The following UGT1A9 variants were observed in gnomAD, a reference collection of about 807,000 sequenced individuals.
UGT1A9 encodes UDP glucuronosyltransferase family 1 member A9.
UGT1A9 carries 35 observed loss-of-function variants against 45.0 expected under a neutral mutation model. That is an observed-to-expected ratio of 0.78 (90% CI 0.59 to 1.03). The LOEUF (loss-of-function observed/expected upper bound fraction) is 1.03, where lower values mean the gene tolerates loss of function less well. Ranked by LOEUF, UGT1A9 falls within the 50% of genes least tolerant of loss-of-function variation. UGT1A9 has a pLI of 0.00. For missense variants in UGT1A9, 687 were observed against 666.6 expected (o/e 1.03, Z -0.34); for synonymous variants, 278 against 250.6 (o/e 1.11, Z -1.03).
At chr2:233,759,064 G>A (rs1398718835) in intron 1 of UGT1A9, among the ~76,000 whole-genome samples, 2 of 152,146 alleles carry the variant, frequency 1.3e-5, no homozygotes, top group Non-Finnish European at 2.9e-5. Flanking sequence ...CTCTGAAAAG[G>A]AATTTGGAAG....
chr2:233,769,634 G>A lies in UGT1A9; in HGVS notation c.1295+1195G>A. 2 of 1,610,964 alleles carry A rather than the reference G, an allele frequency of 1.2e-6. No individual in the cohort carries two copies. The highest frequency in any genetic ancestry group is 1.1e-5 in the South Asian group (1 of 90,734). On this transcript the variant is annotated intron_variant, in intron 4 of 4. Transcript: ENST00000354728. The surrounding 1 kb of genome is among the most constrained non-coding windows in gnomAD (Gnocchi z 4.4). ...CCAGCTTGAGCAAGGGACAACAGGG[G>A]AGGACTGATGACTGACTTCCCACCT...
intron 1 of UGT1A9, chr2:233,719,192 T>A (rs770140125): frequency 1.2e-5 from 20 of 1,614,046 alleles, no homozygotes; most frequent in Admixed American, 1.2e-4. Flanking sequence ...CTTTGGCCCT[T>A]CATAGGTGTT....
At chr2:233,704,693 G>A (rs1034818342) in intron 1 of UGT1A9, among the ~76,000 whole-genome samples, 16 of 152,062 alleles carry the variant, frequency 1.1e-4, no homozygotes, top group African/African-American at 3.9e-4. Context: ...TTACCTTATG[G>A]TATCATTTCT....
intron 1 of UGT1A9, chr2:233,728,967 A>C: frequency 8.9e-6 from 13 of 1,466,634 alleles, no homozygotes; most frequent in Non-Finnish European, 1.2e-5. Flanking sequence ...AAAAACAGTG[A>C]TAGATTAATG....
chr2:233,682,067 G>A, intron 1 of UGT1A9: 2 of 1,614,120 alleles, frequency 1.2e-6, no homozygotes, highest in Non-Finnish European at 1.7e-6. Flanking sequence ...CATGCAGTCG[G>A]TGGTGGAGAA....
chr2:233,692,438 A>G (rs1311287239), intron 1 of UGT1A9: 1 of 155,598 alleles, frequency 6.4e-6, no homozygotes, highest in Non-Finnish European at 1.4e-5. Flanking sequence ...AGTTGTGGGT[A>G]ACCTGGGGAC....
At chr2:233,682,300 T>C (rs997680321) in intron 1 of UGT1A9, 32 of 1,614,098 alleles carry the variant, frequency 2.0e-5, no homozygotes, top group Non-Finnish European at 2.5e-5. Context: ...ACTTATTTTT[T>C]TCAAATTGCA....
intron 1 of UGT1A9, among the ~76,000 whole-genome samples, chr2:233,703,008 A>G (rs1220956352): frequency 6.6e-6 from 1 of 152,230 alleles, no homozygotes; most frequent in African/African-American, 2.4e-5. Flanking sequence ...TTTTGGGAAC[A>G]GTCTGTCAAG....
intron 1 of UGT1A9, among the ~76,000 whole-genome samples, chr2:233,702,329 CTTGT>C (rs763433492): frequency 2.7e-4 from 41 of 152,036 alleles, no homozygotes; most frequent in Non-Finnish European, 5.0e-4. Flanking sequence ...CATTTCTGAA[CTTGT>C]TTATTTGTTC....
At chr2:233,712,316 A>C (rs1308909918) in intron 1 of UGT1A9, among the ~76,000 whole-genome samples, 1 of 151,652 alleles carries the variant, frequency 6.6e-6, no homozygotes, top group Non-Finnish European at 1.5e-5. Context: ...ATCCTCAACA[A>C]AGCCTTTCCA....
chr2:233,752,746 A>AAAAC lies in UGT1A9; in HGVS notation c.856-14265_856-14262dup, dbSNP rs200752387. Among the ~76,000 whole-genome samples the AAAAC allele has an allele frequency of 7.8e-3, 1,184 of 152,306 alleles. 57 individuals carry two copies. In the East Asian group the frequency reaches 0.13, roughly 17 times the overall value. On this transcript the variant is annotated intron_variant, in intron 1 of 4. Transcript: ENST00000354728. ...AGCTACAGAGAGAGACCCTGTCTCTAAAACAAACAAACAAACAAACAAACA... is the reference window on the plus strand; with the variant it reads ...AGCTACAGAGAGAGACCCTGTCTCTAAAACAAACAAACAAACAAACAAACAAACA...
rs34459843 is a variant in UGT1A9, at chr2:233,690,776, T to TACAC, written c.855+18008_855+18011dup. 1.5e-4 allele frequency: 157 copies of TACAC among 1,063,506 alleles called. No homozygotes were observed. The African/African-American group carries it at 1.7e-3, about 12-fold the overall frequency. 65.9% of individuals were successfully genotyped at this position (1,063,506 alleles called of 1,614,324 possible). On this transcript the variant is annotated intron_variant, in intron 1 of 4. Transcript: ENST00000354728. ...GTGCAGACATACACACACACACACA[T>TACAC]ACACACACACACACACACACACACC...
chr2:233,755,054 C>T (rs748506326), intron 1 of UGT1A9: 2 of 1,332,588 alleles, frequency 1.5e-6, no homozygotes, highest in Admixed American at 3.8e-5. Context: ...CGCCCTCCGC[C>T]CTCGCCTCGC....
At chr2:233,749,892 C>T (rs1443411185) in intron 1 of UGT1A9, among the ~76,000 whole-genome samples, 2 of 151,938 alleles carry the variant, frequency 1.3e-5, no homozygotes, top group African/African-American at 2.4e-5. Flanking sequence ...TGAGGCTCCC[C>T]CCTCCAGCCA....
chr2:233,683,242 T>C (rs1214148845), intron 1 of UGT1A9, among the ~76,000 whole-genome samples: 2 of 152,180 alleles, frequency 1.3e-5, no homozygotes, highest in Non-Finnish European at 2.9e-5. Flanking sequence ...TCATGCTGGC[T>C]ATGTTTTTTT....
intron 1 of UGT1A9, among the ~76,000 whole-genome samples, chr2:233,714,159 T>G (rs1363144328): frequency 6.6e-6 from 1 of 152,178 alleles, no homozygotes; most frequent in Non-Finnish European, 1.5e-5. Flanking sequence ...TGGCTGTGGA[T>G]GTGCTTCAGC....
intron 1 of UGT1A9, among the ~76,000 whole-genome samples, chr2:233,757,551 T>TATATATATATATATATACATATAC (rs1696621999): frequency 1.3e-5 from 1 of 78,674 alleles, no homozygotes; most frequent in Non-Finnish European, 2.5e-5. Flanking sequence ...TATATATATA[T>TATATATATATATATATACATATAC]ATATATATAT....
At chr2:233,673,021 A>G (rs1173370783) in intron 1 of UGT1A9, among the ~76,000 whole-genome samples, 1 of 152,186 alleles carries the variant, frequency 6.6e-6, no homozygotes, top group Non-Finnish European at 1.5e-5. Flanking sequence ...TATTCAGCCT[A>G]CATTTTTAAG....
intron 1 of UGT1A9, among the ~76,000 whole-genome samples, chr2:233,717,070 C>T (rs1164354349): frequency 2.0e-5 from 3 of 152,106 alleles, no homozygotes; most frequent in South Asian, 4.2e-4. Context: ...GTGCCAGACA[C>T]GTAACCAGAA....
Sources: allele counts gnomAD v4.1 joint callset (sites outside exome capture counted in the v4.1 genomes callset), GRCh38; gene constraint gnomAD v4.1.1; non-coding constraint Gnocchi (gnomAD v3.1); transcripts MANE v1.5; gene names NCBI Gene and HGNC (gene_info 2026-07-23, HGNC 2026-07-21).